MTERF1: variants seen among roughly 807,000 people sequenced by gnomAD.
MTERF1 encodes the protein transcription termination factor 1, mitochondrial.
MTERF1 carries 29 observed loss-of-function variants against 31.6 expected under a neutral mutation model. The observed-to-expected ratio is 0.92, with a 90% CI of 0.68 to 1.25. The LOEUF (loss-of-function observed/expected upper bound fraction) is 1.25. MTERF1 is among the 50% of genes most tolerant of loss of function. The probability of loss-of-function intolerance (pLI) is 0.00; values close to 1 mark genes in which losing one functional copy is unlikely to be tolerated. For synonymous variants in MTERF1, 152 were observed against 164.1 expected (o/e 0.93, Z 0.57); for missense variants, 500 against 469.1 (o/e 1.07, Z -0.61).
intron 2 of MTERF1, 27 bp downstream of exon 2, chr7:91,880,028 T>C (rs774914591): frequency 1.2e-6 from 2 of 1,613,526 alleles, no homozygotes. Flanking sequence ...CAAGCTAAGT[T>C]TGGAGATCTT....
rs546927059 is a variant in MTERF1, at chr7:91,875,460, ACCCAGACTGGTC to A, written c.30-708_30-697del. 1.6e-4 allele frequency among the ~76,000 whole-genome samples: 25 copies of A among 151,896 alleles called. No individual in the cohort carries two copies. The East Asian group carries it at 4.7e-3, about 28-fold the overall frequency. On this transcript the variant is annotated intron_variant, in intron 2 of 2. Coordinates refer to ENST00000351870, the MANE Select transcript of MTERF1 (RefSeq NM_006980.5). ...TGTAGAGACAGTGTTTCACTATGTCACCCAGACTGGTCTCAAACTCCTGGGCTCAAGTGATCT... is the reference window on the plus strand; with the variant it reads ...TGTAGAGACAGTGTTTCACTATGTCATCAAACTCCTGGGCTCAAGTGATCT...
chr7:91,876,869 C>T (rs1451131617), intron 2 of MTERF1: 16 of 973,560 alleles, frequency 1.6e-5, no homozygotes, highest in Admixed American at 6.2e-5. Context: ...TGAAGAATGA[C>T]GGCTCTACCT....
Position 91,872,535 on chromosome 7 carries a change from T to C in MTERF1, c.*1059A>G, listed in dbSNP as rs1362818829. ...AGTTAACCAAATTATAATAGGAGTATCGTTGAATATATAAATGGCCTTAGA... is the reference window on the plus strand; with the variant it reads ...AGTTAACCAAATTATAATAGGAGTACCGTTGAATATATAAATGGCCTTAGA... On this transcript the variant is annotated 3_prime_UTR_variant, in exon 3 of 3. Transcript: ENST00000351870. 6.6e-6 allele frequency: 1 copy of C among 152,220 alleles called. No homozygotes were observed. Among genetic ancestry groups the C allele is most frequent in the East Asian group, 1.9e-4 (1 of 5,194 alleles). 9.4% of individuals were successfully genotyped at this position (152,220 alleles called of 1,614,324 possible). A position where few individuals can be genotyped will look rare whatever the true frequency, so the allele number is the denominator to read the frequency against.
In MTERF1 at chr7:91,873,872, C is replaced by G. The variant is rs774729982; in HGVS notation, c.922G>C (p.Glu308Gln). The G allele has an allele frequency of 6.2e-7, 1 of 1,614,090 alleles. No individual in the cohort carries two copies. Among genetic ancestry groups the G allele is most frequent in the Non-Finnish European group, 8.5e-7 (1 of 1,180,020 alleles). The change falls in exon 3 of 3, where the codon GAA becomes CAA. Residue 308 changes from glutamate (E) to glutamine (Q), a missense_variant. Glu to Gln is a conservative substitution (Grantham distance 29). Transcript: ENST00000351870. ...CTTAAGACAAACTTCTGTACCTCTT[C>G]TTCAGTACATCCAAGAGAAAACAGC... ...EKLFSLGCTE[E>Q]EVQKFVLSYP... is the part of the protein sequence containing the mutation.
Position 91,874,030 on chromosome 7 carries a change from T to G in MTERF1, c.764A>C (p.Asn255Thr), listed in dbSNP as rs750467855. ...GAAAGTTGACCGTAAGAATTCAATGTTAGCTTTCACCCGCTTGGTGCTCTG... is the reference window on the plus strand; with the variant it reads ...GAAAGTTGACCGTAAGAATTCAATGGTAGCTTTCACCCGCTTGGTGCTCTG... ...LIQSTKRVKA[N>T]IEFLRSTFNL... The change falls in exon 3 of 3, where the codon AAC becomes ACC. Residue 255 changes from asparagine to threonine, a missense_variant. Coordinates refer to ENST00000351870, the MANE Select transcript of MTERF1 (RefSeq NM_006980.5). 3.1e-6 allele frequency: 5 copies of G among 1,614,122 alleles called. No individual in the cohort carries two copies. Among genetic ancestry groups the G allele is most frequent in the Middle Eastern group, 1.6e-4 (1 of 6,062 alleles).
intron 1 of MTERF1, 121 bp from the exon 2 acceptor site, chr7:91,880,234 T>C: frequency 1.4e-6 from 1 of 727,932 alleles, no homozygotes; most frequent in Non-Finnish European, 2.2e-6. Flanking sequence ...ATGCATTACC[T>C]CTTGCAAACA....
chr7:91,878,346 A>C (rs550670843), intron 2 of MTERF1, among the ~76,000 whole-genome samples: 1 of 152,298 alleles, frequency 6.6e-6, no homozygotes, highest in South Asian at 2.1e-4. Context: ...CAGTAAATTT[A>C]CTCTAAAAAT....
chr7:91,874,472 T>G lies in MTERF1; in HGVS notation c.322A>C (p.Lys108Gln), dbSNP rs771287193. The G allele has an allele frequency of 1.3e-4, 205 of 1,613,968 alleles. No individual in the cohort carries two copies. Among genetic ancestry groups the G allele is most frequent in the Non-Finnish European group, 1.7e-4 (202 of 1,180,024 alleles). Residue 108 changes from lysine (K) to glutamine (Q), a missense_variant, in exon 3 of 3, where the codon AAG becomes CAG. Transcript: ENST00000351870. ...GCTCCTTTGGAAAGAAGGAACATCT[T>G]CAGGTCCTGCTCATTGGTAATCATC... ...HRMITNEQDL[K>Q]MFLLSKGASK... is the part of the protein sequence containing the mutation.
intron 1 of MTERF1, 71 bp downstream of exon 1, chr7:91,880,586 C>G (rs1789480823): frequency 6.4e-6 from 1 of 156,358 alleles, no homozygotes; most frequent in Non-Finnish European, 1.4e-5. Flanking sequence ...CTGCACTGTA[C>G]AGCAGTCACC....
intron 2 of MTERF1, among the ~76,000 whole-genome samples, chr7:91,877,135 G>A (rs1404866148): frequency 6.6e-6 from 1 of 152,130 alleles, no homozygotes; most frequent in African/African-American, 2.4e-5. Context: ...ATAAACAAAT[G>A]TACATATATT....
At position 91,873,707 on chromosome 7, in the gene MTERF1, T is replaced by G; in HGVS notation, c.1087A>C (p.Ile363Leu). ...DSSISTLKSR[I>L]KELVNAGCNL... Reference sequence around the variant, plus strand: ...CAGCCAGCATTTACCAATTCTTTGATTCGACTTTTTAAAGTACTTATGCTT... The same window carrying G: ...CAGCCAGCATTTACCAATTCTTTGAGTCGACTTTTTAAAGTACTTATGCTT... The change falls in exon 3 of 3, where the codon ATC becomes CTC. Residue 363 changes from isoleucine to leucine, a missense_variant. Transcript: ENST00000351870. The G allele has an allele frequency of 6.2e-7, 1 of 1,614,138 alleles. No homozygotes were observed. Among genetic ancestry groups the G allele is most frequent in the Non-Finnish European group, 8.5e-7 (1 of 1,180,018 alleles).
At chr7:91,878,131 T>C (rs1393156177) in intron 2 of MTERF1, among the ~76,000 whole-genome samples, 3 of 152,220 alleles carry the variant, frequency 2.0e-5, no homozygotes, top group Non-Finnish European at 4.4e-5. Context: ...ATTTGTTTTA[T>C]GATAATTTAT....
In MTERF1 at chr7:91,871,192, A is replaced by C. The variant is rs545038654; in HGVS notation, c.*2402T>G. 1.3e-5 allele frequency: 2 copies of C among 152,372 alleles called. No homozygotes were observed. Among genetic ancestry groups the C allele is most frequent in the African/African-American group, 4.8e-5 (2 of 41,408 alleles). 9.4% of individuals were successfully genotyped at this position (152,372 alleles called of 1,614,324 possible). ...ACAGGCATTATCTGTTTGTTTCTCC[A>C]AAGTTTTCCTTCCCCCATCCCCTAC... is the stretch of plus-strand genomic sequence containing the variant. On this transcript the variant is annotated 3_prime_UTR_variant, in exon 3 of 3. Coordinates refer to ENST00000351870, the MANE Select transcript of MTERF1 (RefSeq NM_006980.5).
At chr7:91,878,704 A>T in intron 2 of MTERF1, among the ~76,000 whole-genome samples, 1 of 152,142 alleles carries the variant, frequency 6.6e-6, no homozygotes, top group South Asian at 2.1e-4. Context: ...CTGTAACAGC[A>T]CACACCTATA....
At position 91,874,730 on chromosome 7, in the gene MTERF1, C is replaced by T; in HGVS notation, c.64G>A (p.Ala22Thr). 6.2e-7 allele frequency: 1 copy of T among 1,612,824 alleles called. No homozygotes were observed. Among genetic ancestry groups the T allele is most frequent in the South Asian group, 1.1e-5 (1 of 90,848 alleles). The change falls in exon 3 of 3, where the codon GCA becomes ACA. Residue 22 changes from alanine (A) to threonine (T), a missense_variant. Coordinates refer to ENST00000351870, the MANE Select transcript of MTERF1 (RefSeq NM_006980.5). ...SKGLNYLTIM[A>T]PGNLWHMRNN... ...CTCATATGCCAGAGGTTTCCTGGTG[C>T]CATAATGGTTAGGTAGTTCAAACCT...
chr7:91,873,534 T>G lies in MTERF1; in HGVS notation c.*60A>C. ...TTTTAAATTAATCACTTCTGCAAAA[T>G]TCTTTTGCAATGTGGCATAACATAT... On this transcript the variant is annotated 3_prime_UTR_variant, in exon 3 of 3. Transcript: ENST00000351870. 7.2e-7 allele frequency: 1 copy of G among 1,391,210 alleles called. No homozygotes were observed. Among genetic ancestry groups the G allele is most frequent in the Non-Finnish European group, 9.7e-7 (1 of 1,031,776 alleles). The allele number at this position is 1,391,210 out of a possible 1,614,324, so 86.2% of individuals were successfully genotyped here.
chr7:91,880,513 G>A (rs1430499872), intron 1 of MTERF1, 144 bp downstream of exon 1: 1 of 190,100 alleles, frequency 5.3e-6, no homozygotes, highest in Non-Finnish European at 1.1e-5. Flanking sequence ...CAAAACCAAG[G>A]TAATTCCACA....
rs1446550102 is a variant in MTERF1, at chr7:91,874,683, T to C, written c.111A>G (p.Ser37=). ...CTGAAAATCGAGTCATCCAACATCT[T>C]GAACCAAAGAGAAAGTTATTTCTCA... ...WHMRNNFLFG[S]RCWMTRFSAE... Residue 37 remains serine (S), a synonymous_variant, in exon 3 of 3, where the codon TCA becomes TCG. Transcript: ENST00000351870. The C allele has an allele frequency of 2.0e-5, 32 of 1,614,020 alleles. No individual in the cohort carries two copies. The highest frequency in any genetic ancestry group is 2.6e-5 in the Non-Finnish European group (31 of 1,180,028).
At position 91,874,348 on chromosome 7, in the gene MTERF1, A is replaced by G. The variant is rs756591320; in HGVS notation, c.446T>C (p.Ile149Thr). ...TACAATTTCAAGGTCTGATGTCACA[A>G]TCTTTCTCCACAGATCCCACCGTTT... ...LSKRWDLWRK[I>T]VTSDLEIVNI... Residue 149 changes from isoleucine (I) to threonine (T), a missense_variant, in exon 3 of 3, where the codon ATT becomes ACT. Coordinates refer to ENST00000351870, the MANE Select transcript of MTERF1 (RefSeq NM_006980.5). The G allele has an allele frequency of 3.1e-6, 5 of 1,614,078 alleles. No individual in the cohort carries two copies. The highest frequency in any genetic ancestry group is 2.2e-5 in the East Asian group (1 of 44,866).
Sources: gnomAD v4.1 joint callset for allele counts (sites outside exome capture counted in the v4.1 genomes callset) on GRCh38, gnomAD v4.1.1 for gene constraint, MANE v1.5 for transcripts, NCBI Gene and HGNC (gene_info 2026-07-23, HGNC 2026-07-21) for gene names.